Variants in CNTN1 observed in about 807,000 individuals in gnomAD.
CNTN1 encodes contactin-1.
CNTN1 carries 38 observed loss-of-function variants against 126.4 expected under a neutral mutation model. The ratio of observed to expected loss-of-function variants is 0.30; its 90% confidence interval spans 0.23 to 0.39. The LOEUF (loss-of-function observed/expected upper bound fraction) is 0.39, where lower values mean the gene tolerates loss of function less well. Among genes scored for constraint, CNTN1 ranks in the 10% least tolerant of loss-of-function variants. The probability of loss-of-function intolerance (pLI) is 1.00; values close to 1 mark genes in which losing one functional copy is unlikely to be tolerated. For synonymous variants in CNTN1, 413 were observed against 422.6 expected, an observed-to-expected ratio of 0.98 and a Z score of 0.28; for missense variants, 1,009 against 1,248.4, an observed-to-expected ratio of 0.81 and a Z score of 2.89.
intron 23 of CNTN1, among the ~76,000 whole-genome samples, chr12:41,030,312 G>A (rs1296579332): frequency 6.6e-6 from 1 of 151,878 alleles, no homozygotes; most frequent in Non-Finnish European, 1.5e-5. Context: ...AATAAATGCT[G>A]GCTTCAATTG....
At chr12:40,965,048 T>A (rs1947256865) in intron 15 of CNTN1, among the ~76,000 whole-genome samples, 1 of 152,174 alleles carries the variant, frequency 6.6e-6, no homozygotes, top group African/African-American at 2.4e-5. Flanking sequence ...ATGGAATAGA[T>A]AAACATTTTC....
intron 1 of CNTN1, among the ~76,000 whole-genome samples, chr12:40,855,473 T>C (rs552607910): frequency 1.3e-5 from 2 of 152,218 alleles, no homozygotes; most frequent in East Asian, 3.9e-4. Context: ...ATTTTCATTC[T>C]CATGGATTTC....
At chr12:40,788,585 A>G (rs774551655) in intron 1 of CNTN1, among the ~76,000 whole-genome samples, 1 of 152,076 alleles carries the variant, frequency 6.6e-6, no homozygotes, top group Non-Finnish European at 1.5e-5. Context: ...AAATCACAAA[A>G]GGATCCTTCT....
chr12:40,718,841 T>C (rs1942117508), intron 1 of CNTN1, among the ~76,000 whole-genome samples: 1 of 152,166 alleles, frequency 6.6e-6, no homozygotes, highest in Non-Finnish European at 1.5e-5. Context: ...CTGTTATCTT[T>C]ATTTGAAAAG....
At chr12:40,693,856 G>C (rs1053660449) in intron 1 of CNTN1, among the ~76,000 whole-genome samples, 2 of 152,230 alleles carry the variant, frequency 1.3e-5, no homozygotes, top group Admixed American at 1.3e-4. Flanking sequence ...GAAACCCTGC[G>C]TGAAATAATG....
intron 1 of CNTN1, among the ~76,000 whole-genome samples, chr12:40,831,675 A>G (rs1308159147): frequency 6.6e-6 from 1 of 152,078 alleles, no homozygotes; most frequent in African/African-American, 2.4e-5. Flanking sequence ...TCTTATTGTA[A>G]ATATACCTTT....
At chr12:41,065,938 C>T (rs562590405) in intron 23 of CNTN1, among the ~76,000 whole-genome samples, 2 of 152,234 alleles carry the variant, frequency 1.3e-5, no homozygotes, top group African/African-American at 2.4e-5. Context: ...AGTTCTCAAA[C>T]GTGCTGTCCC....
At chr12:41,066,418 T>C (rs1007351993) in intron 23 of CNTN1, among the ~76,000 whole-genome samples, 8 of 152,116 alleles carry the variant, frequency 5.3e-5, no homozygotes, top group African/African-American at 1.4e-4. Flanking sequence ...AAGAAAAAAT[T>C]CAGGGCCTAC....
chr12:40,714,912 A>T (rs1264871966), intron 1 of CNTN1, among the ~76,000 whole-genome samples: 1 of 152,124 alleles, frequency 6.6e-6, no homozygotes, highest in Non-Finnish European at 1.5e-5. Context: ...GTAAATATTG[A>T]CTTTAGACAA....
Position 40,993,195 on chromosome 12 carries a change from G to A in CNTN1, c.2039G>A (p.Arg680His), listed in dbSNP as rs770506056. 1.6e-5 allele frequency: 26 copies of A among 1,613,576 alleles called. No individual in the cohort carries two copies. Among genetic ancestry groups the A allele is most frequent in the Admixed American group, 8.3e-5 (5 of 59,996 alleles). ...DLIPWMEYEF[R>H]VVATNTLGRG... ...ATCCCATGGATGGAGTATGAATTCC[G>A]CGTGGTAGCAACCAATACACTGGGT... The change falls in exon 17 of 24, where the codon CGC (arginine) becomes CAC (histidine). Residue 680 changes from arginine (R) to histidine (H), a missense_variant. Arg to His is a conservative substitution (Grantham distance 29). Transcript: ENST00000551295.
intron 1 of CNTN1, chr12:40,763,022 CTG>C (rs1938927130): frequency 6.6e-6 from 1 of 152,188 alleles, no homozygotes; most frequent in African/African-American, 2.4e-5. Flanking sequence ...AATTCTCACT[CTG>C]TTAGTTCATG....
At chr12:41,019,803 G>A (rs1948867004) in intron 19 of CNTN1, among the ~76,000 whole-genome samples, 1 of 151,984 alleles carries the variant, frequency 6.6e-6, no homozygotes, top group Non-Finnish European at 1.5e-5. Context: ...AAAAAGGGAA[G>A]TTTTATTAAT....
At chr12:40,990,881 G>A (rs1215069674) in intron 16 of CNTN1, among the ~76,000 whole-genome samples, 4 of 152,150 alleles carry the variant, frequency 2.6e-5, no homozygotes, top group Non-Finnish European at 5.9e-5. Context: ...TTGTGCTGGA[G>A]TTTTGGGACT....
At chr12:41,004,145 T>C (rs1948434721) in intron 17 of CNTN1, among the ~76,000 whole-genome samples, 1 of 152,190 alleles carries the variant, frequency 6.6e-6, no homozygotes, top group African/African-American at 2.4e-5. Context: ...TGTTGTATCT[T>C]TGTTTTCATT....
intron 1 of CNTN1, among the ~76,000 whole-genome samples, chr12:40,714,533 T>A (rs1413870690): frequency 1.3e-5 from 2 of 152,140 alleles, no homozygotes; most frequent in African/African-American, 4.8e-5. Flanking sequence ...TTGAGATCAA[T>A]ATTATATATT....
chr12:40,793,477 A>G (rs1457434000), intron 1 of CNTN1, among the ~76,000 whole-genome samples: 1 of 152,074 alleles, frequency 6.6e-6, no homozygotes, highest in African/African-American at 2.4e-5. Context: ...AAAAAAAAAA[A>G]AAATCAGGTT....
chr12:40,926,203 A>AGATAGATAGAT (rs1170149796), intron 6 of CNTN1, among the ~76,000 whole-genome samples: 2 of 151,732 alleles, frequency 1.3e-5, no homozygotes, highest in African/African-American at 2.4e-5. Flanking sequence ...ATAGATAGAT[A>AGATAGATAGAT]GATAGATAGA....
intron 1 of CNTN1, among the ~76,000 whole-genome samples, chr12:40,737,310 TACAC>T (rs1937731793): frequency 6.8e-6 from 1 of 147,712 alleles, no homozygotes; most frequent in Non-Finnish European, 1.5e-5. Flanking sequence ...TGTGTGTATA[TACAC>T]ATATACATGG....
At chr12:41,054,068 G>A (rs1255196470) in intron 23 of CNTN1, among the ~76,000 whole-genome samples, 4 of 151,748 alleles carry the variant, frequency 2.6e-5, no homozygotes, top group African/African-American at 9.7e-5. Flanking sequence ...CTCAAAGAAA[G>A]AGAAGTTATA....
Sources: allele counts gnomAD v4.1 joint callset (sites outside exome capture counted in the v4.1 genomes callset), GRCh38; gene constraint gnomAD v4.1.1; transcripts MANE v1.5; gene names NCBI Gene and HGNC (gene_info 2026-07-23, HGNC 2026-07-21).